The following EPB41L2 variants were observed in gnomAD, a reference collection of about 807,000 sequenced individuals.
EPB41L2 encodes the protein band 4.1-like protein 2.
Under a neutral mutation model 113.0 loss-of-function variants are expected in EPB41L2, and 43 were observed. The ratio of observed to expected loss-of-function variants is 0.38; its 90% CI spans 0.30 to 0.49. The LOEUF is 0.49. EPB41L2 is among the 20% of genes least tolerant of loss of function. The pLI, the probability that EPB41L2 is intolerant of heterozygous loss-of-function variation, is 0.95. For synonymous variants in EPB41L2, 442 were observed against 436.7 expected, an observed-to-expected ratio of 1.01 and a Z score of -0.15; for missense variants, 1,147 against 1,223.4, an observed-to-expected ratio of 0.94 and a Z score of 0.93.
chr6:131,040,299 C>G (rs1403977438), intron 1 of EPB41L2, among the ~76,000 whole-genome samples: 1 of 152,024 alleles, frequency 6.6e-6, no homozygotes, highest in Non-Finnish European at 1.5e-5. Context: ...ATTAGTCAGG[C>G]GTGGAGGTGC....
chr6:130,914,062 A>G (rs1800215943), intron 4 of EPB41L2, among the ~76,000 whole-genome samples: 1 of 152,228 alleles, frequency 6.6e-6, no homozygotes, highest in South Asian at 2.1e-4. Flanking sequence ...ACGCAGTAAA[A>G]TTCTGGTTTT....
At chr6:130,901,282 C>T in intron 6 of EPB41L2, 102 bp from the exon 7 acceptor site, 2 of 928,422 alleles carry the variant, frequency 2.2e-6, no homozygotes, top group East Asian at 5.2e-5. Context: ...AACAAATATA[C>T]AATATAGGCA....
intron 5 of EPB41L2, 122 bp from the exon 6 acceptor site, chr6:130,904,662 T>A (rs1397052112): frequency 4.9e-6 from 2 of 410,074 alleles, no homozygotes; most frequent in African/African-American, 2.1e-5. Flanking sequence ...GCATGCAGAA[T>A]TTTTTTATTT....
At chr6:130,981,056 G>GA (rs1281636096) in intron 1 of EPB41L2, among the ~76,000 whole-genome samples, 7 of 152,050 alleles carry the variant, frequency 4.6e-5, no homozygotes, top group African/African-American at 1.7e-4. Flanking sequence ...AAATTTTGGA[G>GA]AAAATATGGT....
At chr6:130,847,741 A>G (rs568104781) in intron 19 of EPB41L2, among the ~76,000 whole-genome samples, 1 of 152,332 alleles carries the variant, frequency 6.6e-6, no homozygotes, top group African/African-American at 2.4e-5. Context: ...AAGCCGTAAC[A>G]CAAGTTTCTA....
chr6:130,963,094 A>G (rs9492771), intron 1 of EPB41L2, among the ~76,000 whole-genome samples: 2,106 of 141,954 alleles, frequency 0.015, 64 homozygotes, highest in African/African-American at 0.049. Context: ...AGAGAATCAC[A>G]GAGAAGAGGA....
chr6:130,949,417 A>G (rs1814048923), intron 3 of EPB41L2, among the ~76,000 whole-genome samples: 2 of 152,198 alleles, frequency 1.3e-5, no homozygotes, highest in African/African-American at 4.8e-5. Flanking sequence ...CCTGGGCAAC[A>G]AAGCAAGACT....
intron 1 of EPB41L2, among the ~76,000 whole-genome samples, chr6:131,018,687 C>G (rs1245891048): frequency 6.6e-6 from 1 of 152,116 alleles, no homozygotes; most frequent in Non-Finnish European, 1.5e-5. Context: ...TGTAATGCAT[C>G]CATAAATACA....
chr6:130,997,755 G>C lies in EPB41L2; in HGVS notation c.-14-41256C>G, dbSNP rs111913596. Among the ~76,000 whole-genome samples the C allele has an allele frequency of 3.1e-3, 470 of 152,232 alleles. 3 individuals carry two copies. Among genetic ancestry groups the C allele is most frequent in the African/African-American group, 0.011 (449 of 41,530 alleles). On this transcript the variant is annotated intron_variant, in intron 1 of 19. Coordinates refer to ENST00000337057, the MANE Select transcript of EPB41L2 (RefSeq NM_001431.4). ...CACTACAGGACTATTGCATTTCAGGGGGGAAAAGGCAGTGAAAATTAACAC... is the reference window on the plus strand; with the variant it reads ...CACTACAGGACTATTGCATTTCAGGCGGGAAAAGGCAGTGAAAATTAACAC...
intron 1 of EPB41L2, among the ~76,000 whole-genome samples, chr6:131,039,572 C>T (rs1476737377): frequency 1.3e-5 from 2 of 152,170 alleles, no homozygotes; most frequent in Admixed American, 6.5e-5. Flanking sequence ...TGCTCTGTAG[C>T]ACTTTCCTAT....
intron 4 of EPB41L2, among the ~76,000 whole-genome samples, chr6:130,921,560 T>C (rs1802891115): frequency 6.6e-6 from 1 of 152,160 alleles, no homozygotes; most frequent in Non-Finnish European, 1.5e-5. Flanking sequence ...ATCATGATCA[T>C]TCATGCTGGA....
At chr6:130,885,761 A>G (rs1790749293) in intron 11 of EPB41L2, among the ~76,000 whole-genome samples, 1 of 152,260 alleles carries the variant, frequency 6.6e-6, no homozygotes, top group South Asian at 2.1e-4. Context: ...AAGAAAAAAT[A>G]GTAAATAAAA....
At chr6:130,929,401 T>C (rs1805928326) in intron 3 of EPB41L2, among the ~76,000 whole-genome samples, 1 of 152,200 alleles carries the variant, frequency 6.6e-6, no homozygotes, top group African/African-American at 2.4e-5. Context: ...AGTGAATTTC[T>C]GTTCAAAAGA....
At chr6:130,850,979 T>C (rs563013150) in intron 19 of EPB41L2, among the ~76,000 whole-genome samples, 1 of 152,352 alleles carries the variant, frequency 6.6e-6, no homozygotes, top group East Asian at 1.9e-4. Flanking sequence ...AAACCAAAAC[T>C]AGCTTTTTAT....
rs1197730807 is a variant in EPB41L2, at chr6:130,944,132, G to A, written c.705+10973C>T. ...TAATGGACAGCAGTCGCAATGATGA[G>A]GGTGGGTGGATTATATATATATACG... On this transcript the variant is annotated intron_variant, in intron 3 of 19. Coordinates refer to ENST00000337057, the MANE Select transcript of EPB41L2 (RefSeq NM_001431.4). 6.0e-5 allele frequency among the ~76,000 whole-genome samples: 9 copies of A among 150,072 alleles called. No homozygotes were observed. In the Admixed American group the frequency reaches 6.0e-4, roughly 10 times the overall value.
Position 130,957,974 on chromosome 6 carries a change from A to G in EPB41L2, c.-14-1475T>C, listed in dbSNP as rs544116080. Reference sequence around the variant, plus strand: ...TGATATGTAAATTTTCTCAATAAAAATAACTTAAAAATGTTTTTCACATCT... The same window carrying G: ...TGATATGTAAATTTTCTCAATAAAAGTAACTTAAAAATGTTTTTCACATCT... On this transcript the variant is annotated intron_variant, in intron 1 of 19. Coordinates refer to ENST00000337057, the MANE Select transcript of EPB41L2 (RefSeq NM_001431.4). Among the ~76,000 whole-genome samples, 127 of 152,376 alleles carry G rather than the reference A, an allele frequency of 8.3e-4. 1 individual carries two copies. In the South Asian group the frequency reaches 0.024, roughly 29 times the overall value.
intron 14 of EPB41L2, among the ~76,000 whole-genome samples, chr6:130,872,952 G>A (rs1346767118): frequency 6.6e-6 from 1 of 152,050 alleles, no homozygotes; most frequent in Non-Finnish European, 1.5e-5. Context: ...TGCCTCCAAG[G>A]CCCTTCTTTG....
At chr6:131,051,001 A>G (rs975559691) in intron 1 of EPB41L2, among the ~76,000 whole-genome samples, 7 of 152,236 alleles carry the variant, frequency 4.6e-5, no homozygotes, top group Admixed American at 1.3e-4. Flanking sequence ...ATACATAACA[A>G]AAACAAATTT....
At chr6:131,022,724 T>C (rs1191299002) in intron 1 of EPB41L2, among the ~76,000 whole-genome samples, 14 of 152,196 alleles carry the variant, frequency 9.2e-5, no homozygotes, top group Admixed American at 9.2e-4. Context: ...AACAGTGTCA[T>C]CATCATCATC....
Sources: allele counts gnomAD v4.1 joint callset (sites outside exome capture counted in the v4.1 genomes callset), GRCh38; gene constraint gnomAD v4.1.1; transcripts MANE v1.5; gene names NCBI Gene and HGNC (gene_info 2026-07-23, HGNC 2026-07-21).